The following POC5 variants were observed in gnomAD, a reference collection of about 807,000 sequenced individuals.
POC5 encodes the protein POC5 centriolar protein, also known as centrosomal protein POC5.
A neutral mutation model predicts 62.9 loss-of-function variants in POC5; 48 were observed. That is an observed-to-expected ratio of 0.76 (90% confidence interval 0.61 to 0.97). The LOEUF (loss-of-function observed/expected upper bound fraction) is 0.97, where lower values mean the gene tolerates loss of function less well. POC5 is among the 50% of genes least tolerant of loss of function. The pLI is 0.00. For synonymous variants in POC5, 236 were observed against 228.2 expected (o/e 1.03, Z -0.31); for missense variants, 696 against 679.5 (o/e 1.02, Z -0.27).
intron 3 of POC5, chr5:75,707,437 G>A (rs189739166): frequency 4.6e-6 from 1 of 217,158 alleles, no homozygotes; most frequent in African/African-American, 2.3e-5. Flanking sequence ...GCATAAAACT[G>A]TTGGAACAAG....
At chr5:75,714,962 G>A (rs1163870690) in intron 1 of POC5, among the ~76,000 whole-genome samples, 1 of 152,134 alleles carries the variant, frequency 6.6e-6, no homozygotes, top group Non-Finnish European at 1.5e-5. Context: ...AAAAAGGAAT[G>A]TGAGAAAAAG....
chr5:75,686,121 A>G (rs1365719212), intron 9 of POC5, among the ~76,000 whole-genome samples: 4 of 152,210 alleles, frequency 2.6e-5, no homozygotes, highest in African/African-American at 9.6e-5. Flanking sequence ...TGACACCCCA[A>G]TCACTAACCT....
intron 10 of POC5, among the ~76,000 whole-genome samples, chr5:75,684,630 TG>T (rs1278420838): frequency 1.3e-5 from 2 of 152,176 alleles, no homozygotes; most frequent in African/African-American, 4.8e-5. Flanking sequence ...CCCAGAGTGC[TG>T]GGATTACAGG....
chr5:75,689,229 A>G (rs991758855), intron 8 of POC5, 64 bp from the exon 9 acceptor site: 1 of 1,450,288 alleles, frequency 6.9e-7, no homozygotes, highest in Non-Finnish European at 9.1e-7. Context: ...TGTCAAAAAA[A>G]TAGATATATA....
intron 5 of POC5, among the ~76,000 whole-genome samples, chr5:75,695,162 A>C (rs1776509662): frequency 6.6e-6 from 1 of 152,248 alleles, no homozygotes; most frequent in South Asian, 2.1e-4. Flanking sequence ...TGGATCAGGA[A>C]TAAAGGGAAA....
At chr5:75,684,605 C>T (rs1329924586) in intron 10 of POC5, among the ~76,000 whole-genome samples, 1 of 152,046 alleles carries the variant, frequency 6.6e-6, no homozygotes, top group Non-Finnish European at 1.5e-5. Context: ...TCAGGTGATC[C>T]GCCCACCTCG....
chr5:75,676,714 C>T (rs1232990779), intron 11 of POC5, among the ~76,000 whole-genome samples: 3 of 151,882 alleles, frequency 2.0e-5, no homozygotes, highest in Non-Finnish European at 2.9e-5. Context: ...CCCAGCTACT[C>T]GGGAGGCTGA....
intron 7 of POC5, 29 bp downstream of exon 7, chr5:75,692,367 C>T: frequency 6.8e-7 from 1 of 1,475,022 alleles, no homozygotes; most frequent in Non-Finnish European, 9.2e-7. Flanking sequence ...GTCTAACATC[C>T]ATCAGCTGTC....
intron 1 of POC5, among the ~76,000 whole-genome samples, 172 bp downstream of exon 1, chr5:75,717,134 T>C (rs924788595): frequency 6.6e-6 from 1 of 152,222 alleles, no homozygotes; most frequent in Admixed American, 6.5e-5. Context: ...TTCCTCTTCC[T>C]GCACGCCTCG....
intron 10 of POC5, among the ~76,000 whole-genome samples, chr5:75,684,803 C>T (rs1776029694): frequency 7.0e-6 from 1 of 143,550 alleles, no homozygotes; most frequent in Non-Finnish European, 1.6e-5. Flanking sequence ...TGCCTAAATA[C>T]CACAGATTTT....
intron 2 of POC5, among the ~76,000 whole-genome samples, chr5:75,710,775 T>C (rs1278459334): frequency 2.0e-5 from 3 of 152,178 alleles, no homozygotes; most frequent in African/African-American, 4.8e-5. Flanking sequence ...AAACTTTTTA[T>C]AGTGTTCCTG....
At chr5:75,705,629 C>T (rs1031340559) in intron 4 of POC5, 75 bp downstream of exon 4, 8 of 849,108 alleles carry the variant, frequency 9.4e-6, no homozygotes, top group Non-Finnish European at 1.4e-5. Flanking sequence ...AATTATTCCT[C>T]TTACTACATA....
At chr5:75,675,025 G>A (rs888786) in intron 11 of POC5, among the ~76,000 whole-genome samples, 38,129 of 151,976 alleles carry the variant, frequency 0.25, 5,925 homozygotes, top group East Asian at 0.43. Context: ...AGGGGCACAC[G>A]GAAGCCCTCA....
intron 10 of POC5, among the ~76,000 whole-genome samples, chr5:75,680,831 C>G (rs1202676759): frequency 6.6e-6 from 1 of 152,026 alleles, no homozygotes; most frequent in African/African-American, 2.4e-5. Context: ...AAAAAGATGA[C>G]AATTACAATC....
chr5:75,710,582 G>A (rs1201512317), intron 2 of POC5, among the ~76,000 whole-genome samples: 1 of 152,208 alleles, frequency 6.6e-6, no homozygotes, highest in African/African-American at 2.4e-5. Flanking sequence ...GAAGGCACCT[G>A]TCTGCAATCC....
intron 2 of POC5, chr5:75,712,237 A>AC: frequency 9.0e-7 from 1 of 1,108,828 alleles, no homozygotes. Flanking sequence ...TGTAAAATTT[A>AC]AGATATACCA....
chr5:75,690,327 T>A, intron 8 of POC5, 56 bp downstream of exon 8: 1 of 1,432,320 alleles, frequency 7.0e-7, no homozygotes, highest in Non-Finnish European at 9.4e-7. Context: ...TAATAGTGAG[T>A]CTATCTATCT....
intron 1 of POC5, among the ~76,000 whole-genome samples, chr5:75,715,953 T>C (rs1019599359): frequency 2.0e-5 from 3 of 152,094 alleles, no homozygotes; most frequent in Non-Finnish European, 4.4e-5. Context: ...ACCATGAGGA[T>C]TGGATAGAAT....
At chr5:75,696,986 A>G (rs976919174) in intron 5 of POC5, among the ~76,000 whole-genome samples, 7 of 152,094 alleles carry the variant, frequency 4.6e-5, no homozygotes, top group Non-Finnish European at 7.4e-5. Flanking sequence ...GAAATGAAGC[A>G]AGAAGGGAAG....
Sources: gnomAD v4.1 joint callset for allele counts (sites outside exome capture counted in the v4.1 genomes callset) on GRCh38, gnomAD v4.1.1 for gene constraint, MANE v1.5 for transcripts, NCBI Gene and HGNC (gene_info 2026-07-23, HGNC 2026-07-21) for gene names.